The following SPAG16 variants were observed in gnomAD, a reference collection of about 807,000 sequenced individuals.
SPAG16 encodes sperm associated antigen 16.
In SPAG16, 86 loss-of-function variants were observed where a neutral mutation model predicts 80.4. That is an observed-to-expected ratio of 1.07 (90% CI 0.90 to 1.28). The LOEUF (loss-of-function observed/expected upper bound fraction) is 1.28. SPAG16 is among the 50% of genes most tolerant of loss of function. The pLI, the probability that SPAG16 is intolerant of heterozygous loss-of-function variation, is 0.00. For synonymous variants in SPAG16, 294 were observed against 265.9 expected (o/e 1.11, Z -1.03); for missense variants, 870 against 765.3 (o/e 1.14, Z -1.61).
chr2:213,820,312 A>G (rs776350641), intron 10 of SPAG16, among the ~76,000 whole-genome samples: 28 of 152,132 alleles, frequency 1.8e-4, no homozygotes, highest in Middle Eastern at 3.4e-3. Context: ...CTGTAAATAG[A>G]TGTAAATTTA....
chr2:214,161,862 A>T (rs1055186498), intron 15 of SPAG16, among the ~76,000 whole-genome samples: 4 of 152,260 alleles, frequency 2.6e-5, no homozygotes, highest in South Asian at 4.1e-4. Flanking sequence ...AAATAAATTT[A>T]AAAAATTTTT....
chr2:213,835,072 C>G (rs566017328), intron 10 of SPAG16, among the ~76,000 whole-genome samples: 4 of 152,142 alleles, frequency 2.6e-5, no homozygotes, highest in Admixed American at 1.3e-4. Flanking sequence ...GGGGGAGTTT[C>G]TTTTTCTTTA....
intron 13 of SPAG16, among the ~76,000 whole-genome samples, chr2:214,024,683 G>A (rs2048044619): frequency 6.6e-6 from 1 of 151,534 alleles, no homozygotes; most frequent in Non-Finnish European, 1.5e-5. Flanking sequence ...TGAATAGAAG[G>A]TTGATAGAGA....
At chr2:214,211,339 A>G (rs1291937927) in intron 15 of SPAG16, among the ~76,000 whole-genome samples, 1 of 152,174 alleles carries the variant, frequency 6.6e-6, no homozygotes, top group African/African-American at 2.4e-5. Flanking sequence ...ATGGTTCTCA[A>G]ATGATTTTGA....
chr2:213,727,286 C>T (rs2125411099), intron 10 of SPAG16, among the ~76,000 whole-genome samples: 1 of 152,130 alleles, frequency 6.6e-6, no homozygotes, highest in Admixed American at 6.5e-5. Flanking sequence ...AACCTCCCTT[C>T]CTGGAGATTA....
At chr2:213,409,874 T>G (rs764470855) in intron 9 of SPAG16, among the ~76,000 whole-genome samples, 1 of 152,150 alleles carries the variant, frequency 6.6e-6, no homozygotes, top group Non-Finnish European at 1.5e-5. Flanking sequence ...GTCAATTTCT[T>G]AGAAATTATA....
At chr2:213,675,178 G>A (rs2063998377) in intron 10 of SPAG16, among the ~76,000 whole-genome samples, 1 of 152,180 alleles carries the variant, frequency 6.6e-6, no homozygotes, top group Admixed American at 6.5e-5. Context: ...CTGCATAAAT[G>A]TCTTCTTTTG....
intron 15 of SPAG16, among the ~76,000 whole-genome samples, chr2:214,258,241 C>G (rs1013372780): frequency 6.6e-6 from 1 of 151,572 alleles, no homozygotes; most frequent in South Asian, 2.1e-4. Flanking sequence ...TTCCTCACCC[C>G]CCTCCCACTC....
chr2:214,278,141 C>T (rs1442810871), intron 15 of SPAG16, among the ~76,000 whole-genome samples: 2 of 152,152 alleles, frequency 1.3e-5, no homozygotes, highest in Admixed American at 6.5e-5. Flanking sequence ...GATGTAATCC[C>T]CTGGTGTGCT....
chr2:213,393,712 T>C (rs2067890593), intron 9 of SPAG16, among the ~76,000 whole-genome samples: 1 of 152,022 alleles, frequency 6.6e-6, no homozygotes, highest in Non-Finnish European at 1.5e-5. Flanking sequence ...CAGTTGAATA[T>C]ATTTATAAAC....
At chr2:213,399,120 A>G (rs2068192180) in intron 9 of SPAG16, among the ~76,000 whole-genome samples, 1 of 152,000 alleles carries the variant, frequency 6.6e-6, no homozygotes, top group African/African-American at 2.4e-5. Context: ...TTTTATTTGT[A>G]TTTCTTATAT....
chr2:213,885,626 T>G (rs72944979), intron 11 of SPAG16, among the ~76,000 whole-genome samples: 2,076 of 152,310 alleles, frequency 0.014, 19 homozygotes, highest in Middle Eastern at 0.024. Context: ...GGCAATGTGA[T>G]AGCCATGAGG....
At chr2:214,335,141 C>G (rs1430593620) in intron 15 of SPAG16, among the ~76,000 whole-genome samples, 3 of 152,100 alleles carry the variant, frequency 2.0e-5, no homozygotes, top group Admixed American at 6.5e-5. Context: ...CATAACTGTT[C>G]CAGATCAAGA....
chr2:213,559,317 G>A (rs976191895), intron 10 of SPAG16, among the ~76,000 whole-genome samples: 6 of 152,188 alleles, frequency 3.9e-5, no homozygotes, highest in African/African-American at 1.4e-4. Flanking sequence ...CCTTGTGATG[G>A]CAATGTGATG....
rs116118255 is a variant in SPAG16 at position 213,867,299 on chromosome 2, G to A, written c.1214+4671G>A. The stretch of plus-strand genomic sequence containing the variant: ...CAATCATTGAAAATGGTAAATGAAT[G>A]GATCAATGCAGGGAATGTGCATTAG... On this transcript the variant is annotated intron_variant, in intron 11 of 15. Coordinates refer to ENST00000331683, the MANE Select transcript of SPAG16 (RefSeq NM_024532.5). 2.3e-3 allele frequency among the ~76,000 whole-genome samples: 354 copies of A among 152,296 alleles called. 1 individual carries two copies. Among genetic ancestry groups the A allele is most frequent in the African/African-American group, 8.1e-3 (338 of 41,566 alleles).
intron 10 of SPAG16, among the ~76,000 whole-genome samples, chr2:213,783,320 A>T (rs982552585): frequency 2.0e-3 from 53 of 26,388 alleles, no homozygotes; most frequent in African/African-American, 4.2e-3. Context: ...AGTATAATAA[A>T]AAAAAAAAAA....
intron 3 of SPAG16, among the ~76,000 whole-genome samples, chr2:213,307,311 C>T (rs1460468450): frequency 6.8e-6 from 1 of 147,428 alleles, no homozygotes; most frequent in African/African-American, 2.5e-5. Flanking sequence ...CCCACTAACT[C>T]GTCATCTAGC....
At chr2:214,108,466 CA>C (rs1348946527) in intron 14 of SPAG16, among the ~76,000 whole-genome samples, 27 of 88,918 alleles carry the variant, frequency 3.0e-4, no homozygotes, top group Middle Eastern at 5.8e-3. Context: ...CACACACACA[CA>C]CACACACACA....
At chr2:213,888,822 C>A (rs2076667174) in intron 11 of SPAG16, among the ~76,000 whole-genome samples, 1 of 151,786 alleles carries the variant, frequency 6.6e-6, no homozygotes, top group African/African-American at 2.4e-5. Flanking sequence ...AAAATAAAAA[C>A]ATATTTGGAG....
Sources: allele counts gnomAD v4.1 joint callset (sites outside exome capture counted in the v4.1 genomes callset), GRCh38; gene constraint gnomAD v4.1.1; transcripts MANE v1.5; gene names NCBI Gene and HGNC (gene_info 2026-07-23, HGNC 2026-07-21).